The following TMEM150B variants were observed in gnomAD, a reference collection of about 807,000 sequenced individuals.
TMEM150B encodes the protein transmembrane protein 150B, also known as modulator of macroautophagy TMEM150B.
A neutral mutation model predicts 25.2 loss-of-function variants in TMEM150B; 33 were observed. The ratio of observed to expected loss-of-function variants is 1.31; its 90% CI spans 0.99 to 1.75. The LOEUF (loss-of-function observed/expected upper bound fraction) is 1.75, where lower values mean the gene tolerates loss of function less well. TMEM150B is among the 40% of genes most tolerant of loss of function. The probability of loss-of-function intolerance (pLI) is 0.00; values close to 1 mark genes in which losing one functional copy is unlikely to be tolerated. For missense variants in TMEM150B, 322 were observed against 306.1 expected (o/e 1.05, Z -0.39); for synonymous variants, 133 against 134.8 (o/e 0.99, Z 0.09).
downstream of TMEM150B, chr19:55,312,194 C>T: frequency 5.9e-6 from 3 of 512,512 alleles, no homozygotes; most frequent in Admixed American, 7.6e-5. Flanking sequence ...CGGCCTTGCC[C>T]TGCAGGGATG....
At chr19:55,316,050 C>A (rs139614930) in intron 7 of TMEM150B, among the ~76,000 whole-genome samples, 1 of 152,262 alleles carries the variant, frequency 6.6e-6, no homozygotes, top group East Asian at 1.9e-4. Context: ...GTGGAAAGTG[C>A]CTCGGTTCTG....
At chr19:55,316,520 T>C (rs1035449953) in intron 7 of TMEM150B, among the ~76,000 whole-genome samples, 2 of 151,968 alleles carry the variant, frequency 1.3e-5, no homozygotes, top group Non-Finnish European at 2.9e-5. Context: ...CCTGTCGTTA[T>C]CCACATTTGA....
intron 2 of TMEM150B, among the ~76,000 whole-genome samples, chr19:55,321,509 G>T (rs2089207690): frequency 6.6e-6 from 1 of 152,028 alleles, no homozygotes; most frequent in Admixed American, 6.6e-5. Flanking sequence ...GGGCTGCCTG[G>T]GGTCTTGGGT....
chr19:55,315,582 A>C (rs765930136), intron 7 of TMEM150B, among the ~76,000 whole-genome samples: 5 of 152,086 alleles, frequency 3.3e-5, no homozygotes, highest in Non-Finnish European at 7.4e-5. Flanking sequence ...TAACATGGTG[A>C]AACCCTGTCC....
At chr19:55,324,696 G>A in intron 1 of TMEM150B, 4 of 975,156 alleles carry the variant, frequency 4.1e-6, no homozygotes, top group Non-Finnish European at 4.9e-6. Flanking sequence ...AATAAATCCT[G>A]TCCCAGTGGG....
chr19:55,320,508 C>T, intron 4 of TMEM150B, 50 bp from the exon 5 acceptor site: 2 of 1,611,714 alleles, frequency 1.2e-6, no homozygotes, highest in Non-Finnish European at 1.7e-6. Flanking sequence ...AGGGCCTCCA[C>T]TTTCCTGCAG....
intron 1 of TMEM150B, among the ~76,000 whole-genome samples, chr19:55,323,365 G>A (rs1037743172): frequency 7.2e-5 from 11 of 151,884 alleles, no homozygotes; most frequent in Non-Finnish European, 1.5e-4. Flanking sequence ...CTGGGAAGCA[G>A]AAGTTGCAGT....
chr19:55,315,908 C>T (rs542232463), intron 7 of TMEM150B, among the ~76,000 whole-genome samples: 41 of 151,936 alleles, frequency 2.7e-4, no homozygotes, highest in African/African-American at 8.7e-4. Context: ...CCAGCCTGGG[C>T]GACAGAGCAA....
intron 6 of TMEM150B, among the ~76,000 whole-genome samples, chr19:55,317,417 G>A (rs2089041934): frequency 6.6e-6 from 1 of 152,076 alleles, no homozygotes; most frequent in Non-Finnish European, 1.5e-5. Flanking sequence ...AGGTGAAGCA[G>A]GCAGATCACT....
At chr19:55,311,975 C>G (rs202034194), downstream of TMEM150B, 331 of 1,591,640 alleles carry the variant, frequency 2.1e-4, no homozygotes, top group Non-Finnish European at 2.7e-4. Flanking sequence ...AGCCCCCACC[C>G]GGCCGCCCAG....
At chr19:55,310,111 C>T (rs74532565), downstream of TMEM150B, among the ~76,000 whole-genome samples, 55 of 152,312 alleles carry the variant, frequency 3.6e-4, no homozygotes, top group African/African-American at 1.3e-3. This position sits in a 1 kb window ranked among gnomAD's most constrained non-coding sequence, Gnocchi z 5.0. Flanking sequence ...GGTTTCACCC[C>T]GTGTTTGTTT....
chr19:55,316,354 G>A (rs905757366), intron 7 of TMEM150B, among the ~76,000 whole-genome samples: 2 of 111,070 alleles, frequency 1.8e-5, no homozygotes, highest in Non-Finnish European at 3.9e-5. Flanking sequence ...GTCTTCACTC[G>A]TAACCACATG....
At chr19:55,311,816 A>G, downstream of TMEM150B, 1 of 1,343,700 alleles carries the variant, frequency 7.4e-7, no homozygotes, top group Non-Finnish European at 1.0e-6. Context: ...GGTTACTGAG[A>G]CCGACTGATG....
intron 2 of TMEM150B, among the ~76,000 whole-genome samples, chr19:55,322,280 C>T (rs1270575433): frequency 1.3e-5 from 2 of 152,160 alleles, no homozygotes; most frequent in South Asian, 2.1e-4. Flanking sequence ...ATAGCCCAGC[C>T]AGCAGGGACA....
chr19:55,315,205 A>G (rs1272858859), intron 7 of TMEM150B, among the ~76,000 whole-genome samples: 1 of 152,096 alleles, frequency 6.6e-6, no homozygotes, highest in Non-Finnish European at 1.5e-5. Flanking sequence ...AGTCCCAGCT[A>G]CTTGGGAGGC....
chr19:55,320,338 A>G (rs2089164058), intron 5 of TMEM150B, 53 bp downstream of exon 5: 1 of 1,505,230 alleles, frequency 6.6e-7, no homozygotes, highest in African/African-American at 1.4e-5. Flanking sequence ...CGGTTTCGGA[A>G]CTCGCTTGGC....
downstream of TMEM150B, chr19:55,312,056 C>A (rs1470008080): frequency 3.5e-5 from 51 of 1,453,838 alleles, no homozygotes; most frequent in East Asian, 1.3e-3. Context: ...CCAACGGGAC[C>A]CCTCTGCCCT....
intron 1 of TMEM150B, among the ~76,000 whole-genome samples, chr19:55,323,291 G>A (rs1470732508): frequency 6.6e-6 from 1 of 151,984 alleles, no homozygotes; most frequent in Non-Finnish European, 1.5e-5. Flanking sequence ...AATTAGCTGG[G>A]TGTGGTGGCG....
Position 55,320,125 on chromosome 19 carries a change from A to C in TMEM150B, c.238T>G (p.Trp80Gly). The C allele has an allele frequency of 1.9e-6, 3 of 1,614,160 alleles. No individual in the cohort carries two copies. Among genetic ancestry groups the C allele is most frequent in the Non-Finnish European group, 2.5e-6 (3 of 1,180,026 alleles). Residue 80 changes from tryptophan (W) to glycine (G), a missense_variant, in exon 6 of 8, where the codon TGG becomes GGG. Coordinates refer to ENST00000326652, the MANE Select transcript of TMEM150B (RefSeq NM_001282011.2). ...TGGTTAGGCCACCTTCTGACGCCCC[A>C]GTCCCGGAGCTGGTGGTAACGGACA... Reference protein sequence around the residue: ...CIVRYHQLRDWGVRRWPNQLI... With the variant: ...CIVRYHQLRDGGVRRWPNQLI...
Sources: gnomAD v4.1 joint callset for allele counts (sites outside exome capture counted in the v4.1 genomes callset) on GRCh38, gnomAD v4.1.1 for gene constraint, Gnocchi (gnomAD v3.1) non-coding constraint, MANE v1.5 for transcripts, NCBI Gene and HGNC (gene_info 2026-07-23, HGNC 2026-07-21) for gene names.